SLC9A9: variants seen among roughly 807,000 people sequenced by gnomAD.
SLC9A9 encodes the protein solute carrier family 9 member A9.
A neutral mutation model predicts 77.8 loss-of-function variants in SLC9A9; 62 were observed. The observed-to-expected ratio is 0.80, with a 90% CI of 0.65 to 0.98. The LOEUF (loss-of-function observed/expected upper bound fraction) is 0.98. Ranked by LOEUF, SLC9A9 falls within the 50% of genes least tolerant of loss-of-function variation. The pLI is 0.00. For missense variants in SLC9A9, 775 were observed against 774.9 expected, an observed-to-expected ratio of 1.00 and a Z score of 0.00; for synonymous variants, 320 against 283.5, an observed-to-expected ratio of 1.13 and a Z score of -1.29.
At chr3:143,641,788 T>C (rs1349055622) in intron 6 of SLC9A9, among the ~76,000 whole-genome samples, 1 of 152,196 alleles carries the variant, frequency 6.6e-6, no homozygotes, top group Non-Finnish European at 1.5e-5. Flanking sequence ...GGTCTTTTGC[T>C]GTGTCTCCAC....
In SLC9A9 at chr3:143,552,450, C is replaced by T. The variant is rs147143314; in HGVS notation, c.1001G>A (p.Gly334Glu). The change falls in exon 9 of 16, where the codon GGG becomes GAG. Residue 334 changes from glycine to glutamate, a missense_variant and splice_region_variant. Transcript: ENST00000316549. ...FLSAEAAGLT[G>E]IVAVLFCGVT... ...TCCACAGAAGAGAACAGCAACTATC[C>T]CTGAAATTAAAAAAACAGATCAGTC... The T allele has an allele frequency of 3.5e-5, 57 of 1,612,220 alleles. No homozygotes were observed. The African/African-American group carries it at 7.1e-4, about 20-fold the overall frequency.
intron 2 of SLC9A9, among the ~76,000 whole-genome samples, chr3:143,802,532 C>T (rs1205265302): frequency 6.6e-6 from 1 of 152,158 alleles, no homozygotes; most frequent in African/African-American, 2.4e-5. Context: ...AGGCCTTTCC[C>T]ACAGGGTCTG....
At chr3:143,632,704 T>C (rs1386391827) in intron 6 of SLC9A9, among the ~76,000 whole-genome samples, 1 of 152,228 alleles carries the variant, frequency 6.6e-6, no homozygotes, top group Non-Finnish European at 1.5e-5. Flanking sequence ...ATATAAATGA[T>C]AAATTTGAGG....
intron 14 of SLC9A9, among the ~76,000 whole-genome samples, chr3:143,294,287 A>G (rs184451474): frequency 2.0e-5 from 3 of 152,290 alleles, no homozygotes; most frequent in Admixed American, 2.0e-4. Context: ...GAAAGCACAC[A>G]CTGAATTTAG....
intron 2 of SLC9A9, among the ~76,000 whole-genome samples, chr3:143,822,952 A>T (rs1290116602): frequency 6.6e-6 from 1 of 152,192 alleles, no homozygotes; most frequent in Admixed American, 6.5e-5. Context: ...CAGTCCTCTG[A>T]GTAGTAAACA....
At chr3:143,808,701 T>A (rs2008787562) in intron 2 of SLC9A9, among the ~76,000 whole-genome samples, 1 of 152,194 alleles carries the variant, frequency 6.6e-6, no homozygotes, top group Non-Finnish European at 1.5e-5. Flanking sequence ...TGGGTTCACA[T>A]CCTAAGCTCC....
At position 143,352,879 on chromosome 3, in the gene SLC9A9, C is replaced by T. The variant is rs752711442; in HGVS notation, c.1604+10605G>A. Reference sequence around the variant, plus strand: ...TCTCCCTGTTAGATCAGCTTCCATACAGCCACCAGTTCTCTGCATTATAAC... The same window carrying T: ...TCTCCCTGTTAGATCAGCTTCCATATAGCCACCAGTTCTCTGCATTATAAC... On this transcript the variant is annotated intron_variant, in intron 14 of 15. Coordinates refer to ENST00000316549, the MANE Select transcript of SLC9A9 (RefSeq NM_173653.4). Among the ~76,000 whole-genome samples, 140 of 152,308 alleles carry T rather than the reference C, an allele frequency of 9.2e-4. 1 individual carries two copies. Among genetic ancestry groups the T allele is most frequent in the Admixed American group, 1.1e-3 (17 of 15,300 alleles).
intron 6 of SLC9A9, among the ~76,000 whole-genome samples, chr3:143,649,645 A>G (rs1332991893): frequency 1.3e-5 from 2 of 152,212 alleles, no homozygotes; most frequent in Non-Finnish European, 1.5e-5. Context: ...AATACTATTA[A>G]AAGTGTAAAA....
intron 6 of SLC9A9, among the ~76,000 whole-genome samples, chr3:143,625,741 C>T (rs1165096526): frequency 6.6e-6 from 1 of 152,142 alleles, no homozygotes; most frequent in East Asian, 1.9e-4. Flanking sequence ...AAAGCAATGG[C>T]AACAAAAGCC....
Position 143,773,056 on chromosome 3 carries a change from A to T in SLC9A9, c.533+21945T>A, listed in dbSNP as rs187493078. ...GATAGTTTTGTTCAGCCTTTAAAACATTTTTTTTGATGTATGCATTGTTCA... is the reference window on the plus strand; with the variant it reads ...GATAGTTTTGTTCAGCCTTTAAAACTTTTTTTTTGATGTATGCATTGTTCA... On this transcript the variant is annotated intron_variant, in intron 4 of 15. Coordinates refer to ENST00000316549, the MANE Select transcript of SLC9A9 (RefSeq NM_173653.4). Among the ~76,000 whole-genome samples the T allele has an allele frequency of 8.5e-5, 13 of 152,112 alleles. 1 individual carries two copies. Among genetic ancestry groups the T allele is most frequent in the Admixed American group, 5.9e-4 (9 of 15,278 alleles).
At chr3:143,397,594 C>T (rs1238418585) in intron 12 of SLC9A9, among the ~76,000 whole-genome samples, 1 of 152,174 alleles carries the variant, frequency 6.6e-6, no homozygotes, top group East Asian at 1.9e-4. Flanking sequence ...AGAAGTGCAT[C>T]TCCTTCCCTC....
At chr3:143,569,134 C>T (rs910532836) in intron 8 of SLC9A9, among the ~76,000 whole-genome samples, 1 of 151,596 alleles carries the variant, frequency 6.6e-6, no homozygotes, top group Non-Finnish European at 1.5e-5. Flanking sequence ...TTAATGTACC[C>T]CAATTATAAT....
chr3:143,393,664 T>C (rs1157693644), intron 12 of SLC9A9, among the ~76,000 whole-genome samples: 5 of 152,080 alleles, frequency 3.3e-5, no homozygotes, highest in African/African-American at 1.2e-4. Context: ...ATACAGGAGC[T>C]GGTTTTTTGA....
In SLC9A9 at chr3:143,813,179, T is replaced by C. The variant is rs115513612; in HGVS notation, c.379-16276A>G. 6.3e-3 allele frequency among the ~76,000 whole-genome samples: 951 copies of C among 152,040 alleles called. 2 individuals are homozygous for C. Among genetic ancestry groups the C allele is most frequent in the Admixed American group, 0.01 (154 of 15,272 alleles). On this transcript the variant is annotated intron_variant, in intron 2 of 15. Transcript: ENST00000316549. ...GTACATGCCAGAATTTTCCCCAATA[T>C]GATACAAACAGAAAATGATAATATT...
At chr3:143,584,524 CA>C (rs2037510169) in intron 6 of SLC9A9, among the ~76,000 whole-genome samples, 1 of 152,162 alleles carries the variant, frequency 6.6e-6, no homozygotes, top group Admixed American at 6.5e-5. Context: ...TTAATTTAGT[CA>C]TTACAGAAAA....
chr3:143,730,851 G>T (rs1029855403), intron 4 of SLC9A9, among the ~76,000 whole-genome samples: 5 of 151,774 alleles, frequency 3.3e-5, no homozygotes, highest in Non-Finnish European at 5.9e-5. Context: ...TAAGAAGTCA[G>T]CATGACTTAA....
chr3:143,786,688 G>T lies in SLC9A9; in HGVS notation c.533+8313C>A, dbSNP rs540617716. ...CTTGGGTTGTACTTGACAGATTAGA[G>T]ATTATTTTTTCTTATTTGGCTGTGT... On this transcript the variant is annotated intron_variant, in intron 4 of 15. Coordinates refer to ENST00000316549, the MANE Select transcript of SLC9A9 (RefSeq NM_173653.4). 5.4e-4 allele frequency among the ~76,000 whole-genome samples: 82 copies of T among 152,290 alleles called. 1 individual carries two copies. In the South Asian group the frequency reaches 0.016, roughly 30 times the overall value.
At chr3:143,403,745 T>C (rs1181696867) in intron 12 of SLC9A9, among the ~76,000 whole-genome samples, 1 of 152,214 alleles carries the variant, frequency 6.6e-6, no homozygotes, top group African/African-American at 2.4e-5. Context: ...ACTTCTCTTA[T>C]TGCACCCAAG....
Position 143,845,391 on chromosome 3 carries a change from G to T in SLC9A9, c.175+2757C>A, listed in dbSNP as rs2009810619. 3.3e-5 allele frequency among the ~76,000 whole-genome samples: 5 copies of T among 152,124 alleles called. No individual in the cohort carries two copies. The South Asian group carries it at 1.0e-3, about 31-fold the overall frequency. On this transcript the variant is annotated intron_variant, in intron 1 of 15. Coordinates refer to ENST00000316549, the MANE Select transcript of SLC9A9 (RefSeq NM_173653.4). ...ATCATGTTCCTCTGGTGTAGTTTCA[G>T]ACTATTTTATTACATTACTGATAGA...
Sources: gnomAD v4.1 joint callset for allele counts (sites outside exome capture counted in the v4.1 genomes callset) on GRCh38, gnomAD v4.1.1 for gene constraint, MANE v1.5 for transcripts, NCBI Gene and HGNC (gene_info 2026-07-23, HGNC 2026-07-21) for gene names.